PARVA: variants seen among roughly 807,000 people sequenced by gnomAD.
PARVA encodes parvin alpha, also known as alpha-parvin.
A neutral mutation model predicts 52.6 loss-of-function variants in PARVA; 25 were observed. That is an observed-to-expected ratio of 0.48 (90% CI 0.35 to 0.66). The LOEUF (loss-of-function observed/expected upper bound fraction) is 0.66, where lower values mean the gene tolerates loss of function less well. PARVA is among the 30% of genes least tolerant of loss of function. PARVA has a pLI of 0.01. For synonymous variants in PARVA, 185 were observed against 179.1 expected (o/e 1.03, Z -0.26); for missense variants, 373 against 450.9 (o/e 0.83, Z 1.56).
At chr11:12,524,600 G>A (rs1589992806) in intron 12 of PARVA, among the ~76,000 whole-genome samples, 1 of 152,130 alleles carries the variant, frequency 6.6e-6, no homozygotes, top group Non-Finnish European at 1.5e-5. Context: ...ACCTCCACCT[G>A]CTCTTGGCCT....
chr11:12,452,085 T>G (rs1392244050), intron 1 of PARVA, among the ~76,000 whole-genome samples: 1 of 151,900 alleles, frequency 6.6e-6, no homozygotes, highest in Non-Finnish European at 1.5e-5. Flanking sequence ...AGGGTGCAGA[T>G]GAACTGGTCC....
rs754029949 is a variant in PARVA, at chr11:12,377,601, G to C, written c.-47G>C. On this transcript the variant is annotated 5_prime_UTR_variant, in exon 1 of 13. Coordinates refer to ENST00000334956, the MANE Select transcript of PARVA (RefSeq NM_018222.5). The stretch of plus-strand genomic sequence containing the variant: ...CGCCGCCGCCCGCTGCGTCCGCCCA[G>C]CGCCAGCTCCGCGTCCCGACCGGCC... 24 of 1,525,900 alleles carry C rather than the reference G, an allele frequency of 1.6e-5. No homozygotes were observed. The African/African-American group carries it at 3.0e-4, about 19-fold the overall frequency. The allele number at this position is 1,525,900 out of a possible 1,614,324, so 94.5% of individuals were successfully genotyped here. A position where few individuals can be genotyped will look rare whatever the true frequency, so the allele number is the denominator to read the frequency against.
At chr11:12,446,026 G>A (rs1416861432) in intron 1 of PARVA, among the ~76,000 whole-genome samples, 7 of 144,170 alleles carry the variant, frequency 4.9e-5, no homozygotes, top group African/African-American at 1.0e-4. Context: ...CAAGTTTGAC[G>A]GGTTCATTTA....
rs1241118651 is a variant in PARVA at position 12,377,628 on chromosome 11, G to C, written c.-20G>C. 1 of 1,563,724 alleles carries C rather than the reference G, an allele frequency of 6.4e-7. No homozygotes were observed. Among genetic ancestry groups the C allele is most frequent in the Non-Finnish European group, 8.6e-7 (1 of 1,161,060 alleles). On this transcript the variant is annotated 5_prime_UTR_variant, in exon 1 of 13. Coordinates refer to ENST00000334956, the MANE Select transcript of PARVA (RefSeq NM_018222.5). ...GCCAGCTCCGCGTCCCGACCGGCCCGCGGCAGCCTGCGCCGCGCCATGGCC... is the reference window on the plus strand; with the variant it reads ...GCCAGCTCCGCGTCCCGACCGGCCCCCGGCAGCCTGCGCCGCGCCATGGCC...
chr11:12,421,454 A>G (rs1403802873), intron 1 of PARVA, among the ~76,000 whole-genome samples: 1 of 152,142 alleles, frequency 6.6e-6, no homozygotes, highest in Non-Finnish European at 1.5e-5. Flanking sequence ...TCCCAGCAAC[A>G]GATTTTTTTT....
chr11:12,486,657 C>T (rs184401704), intron 4 of PARVA, among the ~76,000 whole-genome samples: 1 of 152,146 alleles, frequency 6.6e-6, no homozygotes, highest in African/African-American at 2.4e-5. Flanking sequence ...ACCAGCCTGA[C>T]CAACATGATA....
intron 1 of PARVA, among the ~76,000 whole-genome samples, chr11:12,465,246 A>G (rs1564853780): frequency 6.6e-6 from 1 of 152,054 alleles, no homozygotes; most frequent in Non-Finnish European, 1.5e-5. Context: ...AGAGGAAGAG[A>G]GATGTGAGCT....
chr11:12,390,809 A>G (rs1482873586), intron 1 of PARVA, among the ~76,000 whole-genome samples: 2 of 152,208 alleles, frequency 1.3e-5, no homozygotes, highest in Admixed American at 6.5e-5. Flanking sequence ...GTAATTAATA[A>G]TGACAGCTGG....
rs2135098187 is a variant in PARVA, at chr11:12,531,457, T to C, written c.*3532T>C. On this transcript the variant is annotated 3_prime_UTR_variant, in exon 13 of 13. Coordinates refer to ENST00000334956, the MANE Select transcript of PARVA (RefSeq NM_018222.5). ...AACTAGACTCTGAGACATGTATACA[T>C]TGTGGTTCAAATAGGAATCATCCAT... Among the ~76,000 whole-genome samples the C allele has an allele frequency of 6.6e-6, 1 of 152,310 alleles. No homozygotes were observed. Among genetic ancestry groups the C allele is most frequent in the East Asian group, 1.9e-4 (1 of 5,186 alleles).
intron 10 of PARVA, among the ~76,000 whole-genome samples, chr11:12,515,786 T>G (rs1941560241): frequency 6.6e-6 from 1 of 152,128 alleles, no homozygotes. Flanking sequence ...TGAGTCATGC[T>G]CAGGCCGTTC....
intron 1 of PARVA, among the ~76,000 whole-genome samples, chr11:12,411,276 C>T (rs1331769050): frequency 6.6e-6 from 1 of 152,138 alleles, no homozygotes; most frequent in South Asian, 2.1e-4. Context: ...TTTGCACCAA[C>T]CTAATAGAAC....
In PARVA at chr11:12,406,572, A is replaced by G. The variant is rs116508712; in HGVS notation, c.136+28789A>G. 6.2e-3 allele frequency among the ~76,000 whole-genome samples: 943 copies of G among 151,528 alleles called. 6 individuals carry two copies. Among genetic ancestry groups the G allele is most frequent in the African/African-American group, 0.021 (881 of 41,296 alleles). On this transcript the variant is annotated intron_variant, in intron 1 of 12. Coordinates refer to ENST00000334956, the MANE Select transcript of PARVA (RefSeq NM_018222.5). ...ACACCAAACGTTCTACAAGAATTTG[A>G]TATTTAATGACTATATTGACTTTTC... is the stretch of plus-strand genomic sequence containing the variant.
chr11:12,474,061 A>G, intron 3 of PARVA, 78 bp downstream of exon 3: 3 of 1,114,626 alleles, frequency 2.7e-6, no homozygotes, highest in Non-Finnish European at 4.0e-6. Context: ...CTGTGCAGGT[A>G]CCCCACGAGC....
intron 1 of PARVA, among the ~76,000 whole-genome samples, chr11:12,389,026 A>C (rs1349631884): frequency 6.6e-6 from 1 of 152,144 alleles, no homozygotes; most frequent in South Asian, 2.1e-4. Flanking sequence ...AATGATTGCC[A>C]TTAATCATTA....
chr11:12,396,310 A>T (rs1939744764), intron 1 of PARVA, among the ~76,000 whole-genome samples: 1 of 152,274 alleles, frequency 6.6e-6, no homozygotes. Flanking sequence ...ATCAACAGTG[A>T]CAATAGAAAC....
At chr11:12,422,842 T>C (rs1335803308) in intron 1 of PARVA, among the ~76,000 whole-genome samples, 1 of 152,142 alleles carries the variant, frequency 6.6e-6, no homozygotes, top group Non-Finnish European at 1.5e-5. Flanking sequence ...TCCCTTTGTA[T>C]TTGTTTTGTT....
rs1941020074 is a variant in PARVA, at chr11:12,476,802, G to GACTC, written c.298-1044_298-1041dup. 2.0e-5 allele frequency among the ~76,000 whole-genome samples: 3 copies of GACTC among 152,302 alleles called. No individual in the cohort carries two copies. In the South Asian group the frequency reaches 6.2e-4, roughly 32 times the overall value. Reference sequence around the variant, plus strand: ...TGGGACAGCAGAACAAAAGCCTCCAGACTCCAACATCAGCCCACCCAGGGA... The same window carrying GACTC: ...TGGGACAGCAGAACAAAAGCCTCCAGACTCACTCCAACATCAGCCCACCCAGGGA... On this transcript the variant is annotated intron_variant, in intron 3 of 12. Coordinates refer to ENST00000334956, the MANE Select transcript of PARVA (RefSeq NM_018222.5).
chr11:12,417,206 G>A (rs750106412), intron 1 of PARVA, among the ~76,000 whole-genome samples: 5 of 152,170 alleles, frequency 3.3e-5, no homozygotes, highest in African/African-American at 9.7e-5. Context: ...ATAGTTGGAC[G>A]AGGTTGTAAA....
At chr11:12,396,254 G>A (rs1206374389) in intron 1 of PARVA, among the ~76,000 whole-genome samples, 1 of 152,162 alleles carries the variant, frequency 6.6e-6, no homozygotes, top group Non-Finnish European at 1.5e-5. Context: ...TGGCTTTTCT[G>A]AAGTATTTAT....
Sources: gnomAD v4.1 joint callset for allele counts (sites outside exome capture counted in the v4.1 genomes callset) on GRCh38, gnomAD v4.1.1 for gene constraint, MANE v1.5 for transcripts, NCBI Gene and HGNC (gene_info 2026-07-23, HGNC 2026-07-21) for gene names.